NDRG4: variants seen among roughly 807,000 people sequenced by gnomAD.
NDRG4 encodes NDRG family member 4.
In NDRG4, 38 loss-of-function variants were observed where a neutral mutation model predicts 55.8. The ratio of observed to expected loss-of-function variants is 0.68; its 90% CI spans 0.53 to 0.89. The LOEUF (loss-of-function observed/expected upper bound fraction) is 0.89, where lower values mean the gene tolerates loss of function less well. Among genes scored for constraint, NDRG4 ranks in the 40% least tolerant of loss-of-function variants. NDRG4 has a pLI of 0.00. For missense variants in NDRG4, 455 were observed against 468.6 expected (o/e 0.97, Z 0.27); for synonymous variants, 190 against 182.7 (o/e 1.04, Z -0.32).
intron 8 of NDRG4, 142 bp from the exon 9 acceptor site, chr16:58,507,666 C>T (rs1210431869): frequency 1.5e-5 from 12 of 785,612 alleles, no homozygotes; most frequent in East Asian, 5.4e-5. Flanking sequence ...TCCAAAAAGC[C>T]GTGACAGGGA....
At chr16:58,465,057 G>T (rs571908010) in intron 1 of NDRG4, 16 of 1,273,912 alleles carry the variant, frequency 1.3e-5, no homozygotes, top group East Asian at 5.6e-5. Context: ...AAGAGCGAAC[G>T]GTCAGGAAGA....
At chr16:58,491,622 G>A (rs985079061) in intron 2 of NDRG4, among the ~76,000 whole-genome samples, 9 of 151,360 alleles carry the variant, frequency 5.9e-5, no homozygotes, top group African/African-American at 1.9e-4. Flanking sequence ...CACCACACCC[G>A]GCTAATTTTG....
intron 1 of NDRG4, 63 bp downstream of exon 1, chr16:58,500,332 C>G (rs1405401290): frequency 2.8e-5 from 42 of 1,521,810 alleles, no homozygotes; most frequent in Non-Finnish European, 3.4e-5. Context: ...TATGACCCAC[C>G]GCAGGGAGGA....
intron 2 of NDRG4, among the ~76,000 whole-genome samples, chr16:58,490,887 G>A (rs561948451): frequency 6.6e-6 from 1 of 152,262 alleles, no homozygotes; most frequent in South Asian, 2.1e-4. Context: ...TGAAGCAGGA[G>A]AATCACTTGA....
chr16:58,501,130 C>A, intron 1 of NDRG4: 15 of 1,163,074 alleles, frequency 1.3e-5, no homozygotes, highest in Non-Finnish European at 1.6e-5. Flanking sequence ...AGACTCACCC[C>A]CACCCCCGGG....
At chr16:58,500,414 C>G in intron 1 of NDRG4, 145 bp downstream of exon 1, 2 of 1,112,456 alleles carry the variant, frequency 1.8e-6, no homozygotes, top group East Asian at 5.5e-5. Context: ...CACTGAGACA[C>G]GGCCAGAGTG....
chr16:58,482,468 G>T (rs981657157), intron 1 of NDRG4, among the ~76,000 whole-genome samples: 7 of 151,968 alleles, frequency 4.6e-5, no homozygotes, highest in South Asian at 2.1e-4. Flanking sequence ...GTGCAGCTGT[G>T]GGGGGTAGAG....
chr16:58,473,973 C>T (rs755112975), intron 1 of NDRG4, among the ~76,000 whole-genome samples: 10 of 151,984 alleles, frequency 6.6e-5, no homozygotes, highest in Non-Finnish European at 1.0e-4. Context: ...ATCTCCTCCC[C>T]TCCTGGCTCA....
At chr16:58,510,956 G>C (rs1317850912) in intron 14 of NDRG4, 3 of 564,736 alleles carry the variant, frequency 5.3e-6, no homozygotes, top group Non-Finnish European at 9.5e-6. Context: ...CTTAGAGGTA[G>C]AGCCCAGGCC....
upstream of NDRG4, chr16:58,499,770 T>G: frequency 8.1e-6 from 2 of 247,088 alleles, no homozygotes; most frequent in South Asian, 4.5e-5. Flanking sequence ...CTGCCCCGCA[T>G]TGGTAAGCTG....
chr16:58,507,084 A>T, intron 8 of NDRG4, 69 bp downstream of exon 8: 1 of 1,220,224 alleles, frequency 8.2e-7, no homozygotes, highest in Non-Finnish European at 1.2e-6. Flanking sequence ...CTGCCCCCTG[A>T]GGGAGGCAGG....
downstream of NDRG4, among the ~76,000 whole-genome samples, chr16:58,513,886 A>AG (rs2039035415): frequency 6.6e-6 from 1 of 152,218 alleles, no homozygotes; most frequent in African/African-American, 2.4e-5. Context: ...TGAACCTAGG[A>AG]GGCAGAGGTG....
At chr16:58,494,841 AAAAAAAG>A in intron 2 of NDRG4, 1 of 800,166 alleles carries the variant, frequency 1.2e-6, no homozygotes. Flanking sequence ...CTAAAAAAAA[AAAAAAAG>A]AAAAGAAAAG....
intron 1 of NDRG4, among the ~76,000 whole-genome samples, chr16:58,477,923 G>A (rs1388453788): frequency 2.6e-5 from 4 of 152,130 alleles, no homozygotes; most frequent in Admixed American, 6.6e-5. Flanking sequence ...CAAGGTTAAC[G>A]TCCTCTGTAA....
chr16:58,482,033 C>T (rs1250351692), intron 1 of NDRG4, among the ~76,000 whole-genome samples: 2 of 151,848 alleles, frequency 1.3e-5, no homozygotes, highest in Non-Finnish European at 2.9e-5. Context: ...CAACTCTGAT[C>T]CAAGCAGTAG....
At chr16:58,493,576 G>A (rs2036037397) in intron 2 of NDRG4, among the ~76,000 whole-genome samples, 1 of 152,182 alleles carries the variant, frequency 6.6e-6, no homozygotes, top group Admixed American at 6.5e-5. Context: ...GCCAATCCAT[G>A]TATTTATTCC....
At position 58,504,462 on chromosome 16, in the gene NDRG4, C is replaced by G. The variant is rs370049802; in HGVS notation, c.311+41C>G. 16 of 1,611,290 alleles carry G rather than the reference C, an allele frequency of 9.9e-6. No individual in the cohort carries two copies. The African/African-American group carries it at 1.9e-4, about 19-fold the overall frequency. ...GCCCCTGCGCTAGGGCCCAGGGGTG[C>G]CTACCCCAACTGCAGAGCCACCTGG... On this transcript the variant is annotated intron_variant, in intron 4 of 14. Coordinates refer to ENST00000570248, the MANE Select transcript of NDRG4 (RefSeq NM_001242835.2).
rs984091643 is a variant in NDRG4 at position 58,501,932 on chromosome 16, G to A, written c.21+1663G>A. 5.3e-5 allele frequency: 24 copies of A among 453,892 alleles called. No homozygotes were observed. The East Asian group carries it at 1.5e-3, about 28-fold the overall frequency. 28.1% of individuals were successfully genotyped at this position (453,892 alleles called of 1,614,324 possible). A position where few individuals can be genotyped will look rare whatever the true frequency, so the allele number is the denominator to read the frequency against. ...GACGTCTGACCCCAGGAGGATAACTGTCCTTTATGCAGCAGGAGGCGCATT... is the reference window on the plus strand; with the variant it reads ...GACGTCTGACCCCAGGAGGATAACTATCCTTTATGCAGCAGGAGGCGCATT... On this transcript the variant is annotated intron_variant, in intron 1 of 14. Transcript: ENST00000570248.
At chr16:58,503,707 C>T in intron 1 of NDRG4, 91 bp from the exon 2 acceptor site, 1 of 1,576,112 alleles carries the variant, frequency 6.3e-7, no homozygotes, top group South Asian at 1.1e-5. Context: ...CTACCACAGG[C>T]CTAACAGGTA....
Sources: gnomAD v4.1 joint callset for allele counts (sites outside exome capture counted in the v4.1 genomes callset) on GRCh38, gnomAD v4.1.1 for gene constraint, MANE v1.5 for transcripts, NCBI Gene and HGNC (gene_info 2026-07-23, HGNC 2026-07-21) for gene names.